Variants in ADORA2B observed in about 807,000 individuals in gnomAD.
ADORA2B encodes the protein adenosine A2b receptor, also known as adenosine receptor A2b.
Under a neutral mutation model 20.8 loss-of-function variants are expected in ADORA2B, and 18 were observed. The observed-to-expected ratio is 0.87, with a 90% CI of 0.60 to 1.29. The LOEUF (loss-of-function observed/expected upper bound fraction) is 1.29, where lower values mean the gene tolerates loss of function less well. ADORA2B is among the 50% of genes most tolerant of loss of function. The pLI is 0.00. For synonymous variants in ADORA2B, 179 were observed against 178.3 expected (o/e 1.00, Z -0.03); for missense variants, 441 against 422.7 (o/e 1.04, Z -0.38).
At chr17:15,951,196 G>A (rs756859652) in intron 1 of ADORA2B, among the ~76,000 whole-genome samples, 2 of 152,182 alleles carry the variant, frequency 1.3e-5, no homozygotes, top group Non-Finnish European at 2.9e-5. Flanking sequence ...TCTAATGATC[G>A]GAAGACAGGA....
chr17:15,863,085 T>G, the ADORA2B span, among the ~76,000 whole-genome samples: 2 of 152,134 alleles, frequency 1.3e-5, no homozygotes, highest in Admixed American at 1.3e-4. Flanking sequence ...TTGTCCTGTT[T>G]ATGTGCGCGA....
At chr17:15,908,592 T>G in the ADORA2B span, 1 of 194,734 alleles carries the variant, frequency 5.1e-6, no homozygotes, top group Non-Finnish European at 1.1e-5. Context: ...TAGAGCATGA[T>G]GCAGTATGTG....
At chr17:15,875,729 C>T in the ADORA2B span, among the ~76,000 whole-genome samples, 280 of 152,246 alleles carry the variant, frequency 1.8e-3, 2 homozygotes, top group African/African-American at 6.4e-3. Context: ...ATTACAGGCA[C>T]ATGCCACCAC....
chr17:15,864,628 C>T, the ADORA2B span, among the ~76,000 whole-genome samples: 12,363 of 152,038 alleles, frequency 0.081, 1,382 homozygotes, highest in African/African-American at 0.25. Flanking sequence ...GGGTAGAGAA[C>T]GTGAGGGGGA....
the ADORA2B span, among the ~76,000 whole-genome samples, chr17:15,937,580 C>CT: frequency 7.1e-3 from 1,033 of 145,690 alleles, 6 homozygotes; most frequent in Non-Finnish European, 0.01. Context: ...CTTTTCTTTT[C>CT]TTTTTTTTTT....
chr17:15,961,164 C>CA (rs60034008), intron 1 of ADORA2B, among the ~76,000 whole-genome samples: 221 of 144,868 alleles, frequency 1.5e-3, no homozygotes, highest in African/African-American at 4.3e-3. Context: ...GAGACTCTGT[C>CA]AAAAAAAAAA....
intron 1 of ADORA2B, among the ~76,000 whole-genome samples, chr17:15,957,974 T>A (rs571668311): frequency 6.6e-6 from 1 of 152,274 alleles, no homozygotes; most frequent in South Asian, 2.1e-4. Context: ...CTACAAAGCT[T>A]TATTGAACGA....
the ADORA2B span, among the ~76,000 whole-genome samples, chr17:15,914,462 C>T: frequency 5.3e-5 from 8 of 152,164 alleles, no homozygotes; most frequent in Non-Finnish European, 1.0e-4. Context: ...ATCCGAGTCT[C>T]CCAAAGTGCT....
At chr17:15,951,724 G>A (rs1351605587) in intron 1 of ADORA2B, among the ~76,000 whole-genome samples, 1 of 152,200 alleles carries the variant, frequency 6.6e-6, no homozygotes. Flanking sequence ...CTCTCCCTTC[G>A]GGGAGGGTAG....
chr17:15,928,463 G>T, the ADORA2B span, among the ~76,000 whole-genome samples: 1 of 152,142 alleles, frequency 6.6e-6, no homozygotes, highest in Non-Finnish European at 1.5e-5. Flanking sequence ...CAGGGAGGCT[G>T]AGCATGGGGA....
At chr17:15,949,791 A>C (rs2151594279) in intron 1 of ADORA2B, among the ~76,000 whole-genome samples, 1 of 152,270 alleles carries the variant, frequency 6.6e-6, no homozygotes, top group East Asian at 1.9e-4. Context: ...GAATTGCTTG[A>C]ACCCAGGAGG....
At chr17:15,972,172 T>G (rs1441307400) in intron 1 of ADORA2B, among the ~76,000 whole-genome samples, 1 of 151,984 alleles carries the variant, frequency 6.6e-6, no homozygotes, top group Non-Finnish European at 1.5e-5. Flanking sequence ...AACAGATGCT[T>G]TGTCTGATGT....
chr17:15,887,471 A>C, the ADORA2B span, among the ~76,000 whole-genome samples: 1 of 131,030 alleles, frequency 7.6e-6, no homozygotes, highest in African/African-American at 3.2e-5. Flanking sequence ...TGATGAAGGC[A>C]GGTTGCCCTG....
chr17:15,951,278 G>A (rs1476219703), intron 1 of ADORA2B, among the ~76,000 whole-genome samples: 1 of 152,232 alleles, frequency 6.6e-6, no homozygotes, highest in Non-Finnish European at 1.5e-5. Flanking sequence ...GAGGTGTCCG[G>A]GGACTGCCAG....
At chr17:15,970,104 C>T (rs533835910) in intron 1 of ADORA2B, among the ~76,000 whole-genome samples, 2 of 152,348 alleles carry the variant, frequency 1.3e-5, no homozygotes, top group East Asian at 1.9e-4. Context: ...CGGAACCCGT[C>T]GCAATTCATA....
At chr17:15,878,003 A>G in the ADORA2B span, among the ~76,000 whole-genome samples, 5 of 151,752 alleles carry the variant, frequency 3.3e-5, no homozygotes, top group African/African-American at 4.8e-5. Context: ...CTTTTGGGGG[A>G]AAAAAAGAAA....
At chr17:15,850,461 C>G in the ADORA2B span, 1 of 152,194 alleles carries the variant, frequency 6.6e-6, no homozygotes, top group Admixed American at 6.5e-5. Context: ...AAATATCACA[C>G]TAAACACCAT....
chr17:15,958,114 G>A (rs1195776208), intron 1 of ADORA2B, among the ~76,000 whole-genome samples: 4 of 151,908 alleles, frequency 2.6e-5, no homozygotes, highest in African/African-American at 9.7e-5. Flanking sequence ...TGTCTCCCAG[G>A]TTTAAACGAT....
At chr17:15,945,120 C>G (rs990081089), upstream of ADORA2B, 1 of 828,862 alleles carries the variant, frequency 1.2e-6, no homozygotes, top group Non-Finnish European at 1.6e-6. Context: ...GCGCCCCAGC[C>G]CCGAGGCTCA....
Sources: gnomAD v4.1 joint callset for allele counts (sites outside exome capture counted in the v4.1 genomes callset) on GRCh38, gnomAD v4.1.1 for gene constraint, MANE v1.5 for transcripts, NCBI Gene and HGNC (gene_info 2026-07-23, HGNC 2026-07-21) for gene names.